GDAP1: variants seen among roughly 807,000 people sequenced by gnomAD.
GDAP1 encodes the protein ganglioside induced differentiation associated protein 1, also known as ganglioside-induced differentiation-associated protein 1.
GDAP1 carries 34 observed loss-of-function variants against 40.1 expected under a neutral mutation model. That is an observed-to-expected ratio of 0.85 (90% confidence interval 0.64 to 1.13). The LOEUF is 1.13. Among genes scored for constraint, GDAP1 ranks in the 50% most tolerant of loss-of-function variants. The pLI is 0.00. For synonymous variants in GDAP1, 170 were observed against 157.4 expected (o/e 1.08, Z -0.60); for missense variants, 374 against 433.7 (o/e 0.86, Z 1.22).
chr8:74,371,207 T>C (rs373074541), downstream of GDAP1, among the ~76,000 whole-genome samples: 124 of 152,318 alleles, frequency 8.1e-4, no homozygotes, highest in South Asian at 1.9e-3. Context: ...ATAAAACAAA[T>C]CTCACTAAAT....
intron 2 of GDAP1, among the ~76,000 whole-genome samples, chr8:74,401,182 G>A (rs1399373132): frequency 7.4e-5 from 11 of 148,200 alleles, no homozygotes; most frequent in Middle Eastern, 3.4e-3. Flanking sequence ...CGTCACTTTC[G>A]GGTACACCAA....
intron 2 of GDAP1, among the ~76,000 whole-genome samples, chr8:74,418,892 A>G (rs1275975788): frequency 6.6e-6 from 1 of 152,252 alleles, no homozygotes. Flanking sequence ...ACATTTCATC[A>G]AAGAGGATAT....
intron 2 of GDAP1, among the ~76,000 whole-genome samples, chr8:74,422,352 C>CTTTCTTCCCTTCCTT (rs1563465558): frequency 1.8e-4 from 6 of 34,192 alleles, no homozygotes; most frequent in Admixed American, 3.3e-4. Context: ...TTTCTTTCTT[C>CTTTCTTCCCTTCCTT]CCTTCCTTCC....
At chr8:74,408,264 A>G (rs890536523) in intron 2 of GDAP1, among the ~76,000 whole-genome samples, 2 of 150,020 alleles carry the variant, frequency 1.3e-5, no homozygotes, top group Non-Finnish European at 2.9e-5. Context: ...TTGTATTTCT[A>G]TGGTGGTTTG....
chr8:74,361,163 C>G (rs1468481588), intron 3 of GDAP1, among the ~76,000 whole-genome samples: 2 of 151,952 alleles, frequency 1.3e-5, no homozygotes, highest in East Asian at 1.9e-4. Context: ...TCATAAATAC[C>G]CTTTATAGTA....
At chr8:74,371,670 A>G (rs1020600973), downstream of GDAP1, among the ~76,000 whole-genome samples, 37 of 152,214 alleles carry the variant, frequency 2.4e-4, no homozygotes, top group Non-Finnish European at 5.9e-5. Context: ...AAAAAAAAAA[A>G]AAGAAAATAT....
At chr8:74,370,884 G>C (rs908706495), downstream of GDAP1, among the ~76,000 whole-genome samples, 3 of 152,138 alleles carry the variant, frequency 2.0e-5, no homozygotes, top group African/African-American at 7.2e-5. Flanking sequence ...GAGACAAAGA[G>C]GGACATTTAT....
intron 2 of GDAP1, among the ~76,000 whole-genome samples, chr8:74,459,206 C>T (rs1486757746): frequency 6.6e-6 from 1 of 152,012 alleles, no homozygotes; most frequent in South Asian, 2.1e-4. Context: ...CAGAGAAGTA[C>T]CAGAAATAAC....
chr8:74,423,323 ACTATTTAT>A (rs1303114723), intron 2 of GDAP1, among the ~76,000 whole-genome samples: 2 of 147,340 alleles, frequency 1.4e-5, no homozygotes, highest in Non-Finnish European at 3.0e-5. Flanking sequence ...TAGTATATAT[ACTATTTAT>A]TATAGTATAA....
intron 2 of GDAP1, among the ~76,000 whole-genome samples, chr8:74,379,146 C>CA (rs59700909): frequency 2.0e-5 from 3 of 151,924 alleles, no homozygotes; most frequent in Admixed American, 2.0e-4. Flanking sequence ...CTTTCAGGGT[C>CA]CGACTCAGGC....
chr8:74,435,789 C>T (rs1806081422), intron 2 of GDAP1, among the ~76,000 whole-genome samples: 2 of 152,088 alleles, frequency 1.3e-5, no homozygotes, highest in South Asian at 4.1e-4. Flanking sequence ...TTTCTCTTTA[C>T]TTTTTCTTCA....
chr8:74,427,076 A>T (rs1805957008), intron 2 of GDAP1, among the ~76,000 whole-genome samples: 1 of 152,190 alleles, frequency 6.6e-6, no homozygotes, highest in South Asian at 2.1e-4. Flanking sequence ...GACTCAGCAA[A>T]TGTGCTGCAA....
intron 2 of GDAP1, among the ~76,000 whole-genome samples, chr8:74,389,315 G>C (rs1421302449): frequency 6.6e-6 from 1 of 152,076 alleles, no homozygotes; most frequent in Non-Finnish European, 1.5e-5. Flanking sequence ...GGCTGGTACT[G>C]GTTTTTCCTT....
intron 2 of GDAP1, among the ~76,000 whole-genome samples, chr8:74,442,617 A>G (rs1478592787): frequency 1.3e-5 from 2 of 152,240 alleles, no homozygotes; most frequent in Non-Finnish European, 2.9e-5. Context: ...ATTCATTTAG[A>G]GAAGAAATTG....
chr8:74,402,685 C>T (rs577663018), intron 2 of GDAP1, among the ~76,000 whole-genome samples: 9 of 150,218 alleles, frequency 6.0e-5, no homozygotes, highest in South Asian at 2.1e-4. Context: ...TATTCCTATT[C>T]GGCCATCTTG....
chr8:74,362,546 G>A (rs907230635), intron 4 of GDAP1, among the ~76,000 whole-genome samples: 1 of 152,084 alleles, frequency 6.6e-6, no homozygotes, highest in Non-Finnish European at 1.5e-5. Flanking sequence ...CTCTCCACTC[G>A]CCGTTTAACT....
chr8:74,419,872 A>G (rs1805833802), intron 2 of GDAP1, among the ~76,000 whole-genome samples: 1 of 152,094 alleles, frequency 6.6e-6, no homozygotes, highest in African/African-American at 2.4e-5. Flanking sequence ...ATTCTTTTGC[A>G]TGTGGATATC....
At chr8:74,466,164 C>G (rs1459102866) in intron 2 of GDAP1, among the ~76,000 whole-genome samples, 1 of 152,114 alleles carries the variant, frequency 6.6e-6, no homozygotes, top group Admixed American at 6.5e-5. Context: ...GATATGACTT[C>G]ATAAAAAAAT....
chr8:74,425,679 A>G (rs1477116409), intron 2 of GDAP1, among the ~76,000 whole-genome samples: 3 of 152,170 alleles, frequency 2.0e-5, no homozygotes, highest in Non-Finnish European at 4.4e-5. Context: ...GTGGAGATCC[A>G]TTTGAGCCTT....
Sources: gnomAD v4.1 joint callset for allele counts (sites outside exome capture counted in the v4.1 genomes callset) on GRCh38, gnomAD v4.1.1 for gene constraint, MANE v1.5 for transcripts, NCBI Gene and HGNC (gene_info 2026-07-23, HGNC 2026-07-21) for gene names.